STXBP5: variants seen among roughly 807,000 people sequenced by gnomAD.
The protein encoded by STXBP5 is syntaxin binding protein 5.
Under a neutral mutation model 152.4 loss-of-function variants are expected in STXBP5, and 50 were observed. The observed-to-expected ratio is 0.33, with a 90% CI of 0.26 to 0.42. The LOEUF (loss-of-function observed/expected upper bound fraction) is 0.42. Ranked by LOEUF, STXBP5 falls within the 10% of genes least tolerant of loss-of-function variation. The pLI, the probability that STXBP5 is intolerant of heterozygous loss-of-function variation, is 1.00. For synonymous variants in STXBP5, 492 were observed against 494.7 expected (o/e 0.99, Z 0.07); for missense variants, 1,167 against 1,388.6 (o/e 0.84, Z 2.54).
At chr6:147,270,738 T>C (rs1780124919) in intron 7 of STXBP5, among the ~76,000 whole-genome samples, 1 of 152,146 alleles carries the variant, frequency 6.6e-6, no homozygotes, top group Non-Finnish European at 1.5e-5. Context: ...AACTTTCTTA[T>C]TTTCTAAATC....
Position 147,315,616 on chromosome 6 carries a change from T to A in STXBP5, c.1504T>A (p.Tyr502Asn). 1 of 1,613,956 alleles carries A rather than the reference T, an allele frequency of 6.2e-7. No individual in the cohort carries two copies. Among genetic ancestry groups the A allele is most frequent in the South Asian group, 1.1e-5 (1 of 91,082 alleles). The stretch of plus-strand genomic sequence containing the variant: ...CACAGACATTGTAGATGAAGATCCA[T>A]ATGCCATTCAGATCATCTCCTGGTG... ...PNTDIVDEDPYAIQIISWCPE... is the reference protein window; with the variant it reads ...PNTDIVDEDPNAIQIISWCPE... The change falls in exon 15 of 28, where the codon TAT (tyrosine) becomes AAT (asparagine). Residue 502 changes from tyrosine to asparagine, a missense_variant. Transcript: ENST00000321680.
At chr6:147,371,626 A>C (rs2128418048) in intron 25 of STXBP5, among the ~76,000 whole-genome samples, 1 of 152,276 alleles carries the variant, frequency 6.6e-6, no homozygotes, top group East Asian at 1.9e-4. Flanking sequence ...GCAGAAATTG[A>C]GAATCAAATC....
chr6:147,292,343 C>G (rs1327115236), intron 9 of STXBP5: 1 of 412,840 alleles, frequency 2.4e-6, no homozygotes, highest in East Asian at 8.2e-5. Flanking sequence ...CTGTTTGACT[C>G]TTGCATCCTT....
intron 9 of STXBP5, among the ~76,000 whole-genome samples, chr6:147,298,199 A>G (rs1469040998): frequency 6.6e-6 from 1 of 152,120 alleles, no homozygotes; most frequent in African/African-American, 2.4e-5. Flanking sequence ...AGGTTTATAA[A>G]ATATCAGATA....
chr6:147,340,771 T>A (rs1055989699), intron 21 of STXBP5, among the ~76,000 whole-genome samples: 2 of 152,108 alleles, frequency 1.3e-5, no homozygotes, highest in Non-Finnish European at 2.9e-5. Context: ...TTTTTTCTTG[T>A]TTTAAATAGA....
intron 18 of STXBP5, among the ~76,000 whole-genome samples, 194 bp from the exon 19 acceptor site, chr6:147,333,963 G>T (rs1455187033): frequency 6.6e-6 from 1 of 152,142 alleles, no homozygotes; most frequent in African/African-American, 2.4e-5. Flanking sequence ...ACTGATGAGT[G>T]CTGTATTAGT....
rs1785168078 is a variant in STXBP5, at chr6:147,363,701, T to G, written c.2912T>G (p.Phe971Cys). 5 of 1,605,934 alleles carry G rather than the reference T, an allele frequency of 3.1e-6. No homozygotes were observed. The highest frequency in any genetic ancestry group is 4.2e-6 in the Non-Finnish European group (5 of 1,176,816). The change falls in exon 24 of 28, where the codon TTT (phenylalanine) becomes TGT (cysteine). Residue 971 changes from phenylalanine to cysteine, a missense_variant. Around this residue, in one of 3 missense-constraint regions of STXBP5, gnomAD observed 833 missense variants for 986.3 expected, o/e 0.84. Coordinates refer to ENST00000321680, the MANE Select transcript of STXBP5 (RefSeq NM_001127715.4). ...CFCANGHIMT[F>C]SLPSLRPLLD... ...TGTGCCAATGGACATATAATGACTTTTAGGTAAGAGTTAGATATGTTTTAA... is the reference window on the plus strand; with the variant it reads ...TGTGCCAATGGACATATAATGACTTGTAGGTAAGAGTTAGATATGTTTTAA...
chr6:147,275,919 A>C (rs1377218652), intron 7 of STXBP5, among the ~76,000 whole-genome samples: 1 of 152,044 alleles, frequency 6.6e-6, no homozygotes, highest in African/African-American at 2.4e-5. Flanking sequence ...AAAAACAGAT[A>C]AGCCAATTCA....
chr6:147,369,807 A>G (rs551174034), intron 25 of STXBP5, among the ~76,000 whole-genome samples: 4 of 152,222 alleles, frequency 2.6e-5, no homozygotes. Flanking sequence ...ATATAGACGA[A>G]CTACAACTCC....
intron 7 of STXBP5, among the ~76,000 whole-genome samples, chr6:147,269,784 T>C (rs977850065): frequency 9.2e-5 from 14 of 152,056 alleles, no homozygotes; most frequent in African/African-American, 3.1e-4. Flanking sequence ...AGCTACTTGA[T>C]GTGAAAGAAT....
chr6:147,220,184 A>G (rs1303167874), intron 2 of STXBP5, among the ~76,000 whole-genome samples: 1 of 152,004 alleles, frequency 6.6e-6, no homozygotes, highest in South Asian at 2.1e-4. Flanking sequence ...GGGATTTTCC[A>G]GCTCTCTTTT....
intron 2 of STXBP5, among the ~76,000 whole-genome samples, chr6:147,218,788 A>G (rs1246282522): frequency 6.6e-6 from 1 of 152,192 alleles, no homozygotes; most frequent in Non-Finnish European, 1.5e-5. Flanking sequence ...TGAGTTTTGT[A>G]TGTTAACCTT....
chr6:147,265,427 A>G (rs1779844832), intron 6 of STXBP5, among the ~76,000 whole-genome samples: 1 of 152,106 alleles, frequency 6.6e-6, no homozygotes, highest in Non-Finnish European at 1.5e-5. Context: ...TTGTGTGTCT[A>G]CTATGTATTA....
chr6:147,249,762 C>A (rs1027437612), intron 4 of STXBP5, among the ~76,000 whole-genome samples: 36 of 152,116 alleles, frequency 2.4e-4, no homozygotes, highest in African/African-American at 8.5e-4. Context: ...GAGAGTGCAG[C>A]TGTATAATTT....
intron 16 of STXBP5, among the ~76,000 whole-genome samples, chr6:147,321,321 G>T (rs965786318): frequency 3.1e-4 from 47 of 152,048 alleles, no homozygotes; most frequent in African/African-American, 1.1e-3. Flanking sequence ...TGGTTTATTT[G>T]AAGAAACATT....
chr6:147,280,098 A>G (rs1233888635), intron 8 of STXBP5, among the ~76,000 whole-genome samples: 3 of 150,790 alleles, frequency 2.0e-5, no homozygotes. Flanking sequence ...ATTTTTCTAT[A>G]TAACCAAGTT....
intron 25 of STXBP5, among the ~76,000 whole-genome samples, chr6:147,373,008 A>G (rs1429127900): frequency 1.3e-5 from 2 of 152,196 alleles, no homozygotes; most frequent in African/African-American, 2.4e-5. Context: ...TGACTCAGCT[A>G]AAAGTTATAA....
In STXBP5 at chr6:147,385,573, G is replaced by A. The variant is rs1786299064; in HGVS notation, c.*818G>A. 6.6e-6 allele frequency: 1 copy of A among 151,992 alleles called. No homozygotes were observed. Among genetic ancestry groups the A allele is most frequent in the Non-Finnish European group, 1.5e-5 (1 of 67,966 alleles). 9.4% of individuals were successfully genotyped at this position (151,992 alleles called of 1,614,324 possible). On this transcript the variant is annotated 3_prime_UTR_variant, in exon 28 of 28. Transcript: ENST00000321680. ...TGAGGAGAATACTTCAATGTCCCTT[G>A]TCCTTGTTCTCATTAATTCAGCTAA...
intron 7 of STXBP5, among the ~76,000 whole-genome samples, chr6:147,276,891 C>A (rs1235381783): frequency 2.0e-5 from 3 of 151,918 alleles, no homozygotes; most frequent in Non-Finnish European, 4.4e-5. Context: ...GAATTAGAAT[C>A]GATTATGGTT....
Sources: allele counts gnomAD v4.1 joint callset (sites outside exome capture counted in the v4.1 genomes callset), GRCh38; gene constraint gnomAD v4.1.1; regional missense constraint gnomAD v4.1.1; transcripts MANE v1.5; gene names NCBI Gene and HGNC (gene_info 2026-07-23, HGNC 2026-07-21).